Variants in MTX2 observed in about 807,000 individuals in gnomAD.
The protein encoded by MTX2 is metaxin 2.
MTX2 carries 35 observed loss-of-function variants against 42.3 expected under a neutral mutation model. The observed-to-expected ratio is 0.83, with a 90% CI of 0.63 to 1.10. The LOEUF is 1.10. Ranked by LOEUF, MTX2 falls within the 50% of genes least tolerant of loss-of-function variation. The pLI, the probability that MTX2 is intolerant of heterozygous loss-of-function variation, is 0.00. For missense variants in MTX2, 307 were observed against 304.1 expected, an observed-to-expected ratio of 1.01 and a Z score of -0.07; for synonymous variants, 119 against 100.9, an observed-to-expected ratio of 1.18 and a Z score of -1.08.
At chr2:176,297,731 A>C (rs1019104953) in intron 2 of MTX2, 118 bp from the exon 3 acceptor site, 12 of 450,866 alleles carry the variant, frequency 2.7e-5, no homozygotes, top group Non-Finnish European at 4.3e-5. Context: ...ATTAACATTG[A>C]TATAAAACTT....
chr2:176,300,959 A>G (rs1447431301), intron 3 of MTX2, among the ~76,000 whole-genome samples: 1 of 152,148 alleles, frequency 6.6e-6, no homozygotes, highest in African/African-American at 2.4e-5. Flanking sequence ...CAATGTTAGT[A>G]AGAGGAATGG....
chr2:176,310,032 G>A (rs1251311694), intron 3 of MTX2, among the ~76,000 whole-genome samples: 4 of 152,108 alleles, frequency 2.6e-5, no homozygotes, highest in African/African-American at 4.8e-5. Context: ...TGTTTTTGCC[G>A]TGGCTGGTAC....
intron 3 of MTX2, among the ~76,000 whole-genome samples, chr2:176,301,040 T>C (rs1467886580): frequency 1.3e-5 from 2 of 151,596 alleles, no homozygotes; most frequent in East Asian, 3.8e-4. Flanking sequence ...TAAGAATCTT[T>C]TTTGGACATG....
chr2:176,279,704 TA>T (rs1474966326), intron 1 of MTX2, among the ~76,000 whole-genome samples: 1 of 152,184 alleles, frequency 6.6e-6, no homozygotes, highest in Non-Finnish European at 1.5e-5. Context: ...ATTTAAGTGA[TA>T]ATTGACATTT....
In MTX2 at chr2:176,299,942, G is replaced by T. The variant is rs368753951; in HGVS notation, c.135+2047G>T. 8.9e-4 allele frequency among the ~76,000 whole-genome samples: 136 copies of T among 152,146 alleles called. 6 individuals are homozygous for T. In the South Asian group the frequency reaches 0.028, roughly 31 times the overall value. On this transcript the variant is annotated intron_variant, in intron 3 of 9. Transcript: ENST00000249442. The stretch of plus-strand genomic sequence containing the variant: ...TATACCCCCAAAACTAAGTGATTGG[G>T]TCTTTTTGAACTCTAAGAACTTTTA...
chr2:176,323,325 A>G (rs1684628616), intron 3 of MTX2, 67 bp from the exon 4 acceptor site: 2 of 1,305,862 alleles, frequency 1.5e-6, no homozygotes, highest in East Asian at 2.3e-5. Flanking sequence ...AAAGAAATGC[A>G]TACAAATTTC....
At chr2:176,283,506 A>G (rs1693126983) in intron 1 of MTX2, among the ~76,000 whole-genome samples, 3 of 152,086 alleles carry the variant, frequency 2.0e-5, no homozygotes, top group Admixed American at 6.5e-5. Context: ...TCAGCATTTC[A>G]GGTGGTATAA....
chr2:176,302,114 T>A (rs998849559), intron 3 of MTX2, among the ~76,000 whole-genome samples: 1 of 151,304 alleles, frequency 6.6e-6, no homozygotes, highest in Non-Finnish European at 1.5e-5. Flanking sequence ...AAGCCAGTTT[T>A]AAAAAGCTGG....
intron 3 of MTX2, among the ~76,000 whole-genome samples, chr2:176,301,446 T>TGAG (rs563567626): frequency 7.2e-4 from 109 of 152,290 alleles, no homozygotes; most frequent in African/African-American, 2.4e-3. Flanking sequence ...AACAACTGTA[T>TGAG]GAGGTAAGTG....
At chr2:176,279,960 G>C (rs1330713843) in intron 1 of MTX2, among the ~76,000 whole-genome samples, 2 of 152,148 alleles carry the variant, frequency 1.3e-5, no homozygotes, top group African/African-American at 4.8e-5. Flanking sequence ...GATTATCTTT[G>C]TATCATAGGT....
chr2:176,289,903 A>C (rs1219817713), intron 1 of MTX2, among the ~76,000 whole-genome samples: 2 of 152,114 alleles, frequency 1.3e-5, no homozygotes, highest in Non-Finnish European at 2.9e-5. Context: ...AGTTTGGAGT[A>C]ATTGAGAAGC....
intron 3 of MTX2, chr2:176,304,159 A>G (rs1305585061): frequency 6.5e-6 from 1 of 154,456 alleles, no homozygotes; most frequent in Non-Finnish European, 1.5e-5. Context: ...TGAGTGAAAC[A>G]TCTTTCATAT....
intron 1 of MTX2, among the ~76,000 whole-genome samples, chr2:176,287,581 C>T (rs981099825): frequency 2.6e-5 from 4 of 152,146 alleles, no homozygotes; most frequent in African/African-American, 4.8e-5. Flanking sequence ...AAGGGATACT[C>T]AACCTGTATG....
At chr2:176,285,537 C>G (rs1286367142) in intron 1 of MTX2, among the ~76,000 whole-genome samples, 4 of 151,774 alleles carry the variant, frequency 2.6e-5, no homozygotes, top group Admixed American at 2.0e-4. Context: ...CTCATTCCCA[C>G]CACCAGCCTG....
chr2:176,294,909 T>C (rs1191028805), intron 1 of MTX2, among the ~76,000 whole-genome samples: 2 of 152,210 alleles, frequency 1.3e-5, no homozygotes, highest in African/African-American at 2.4e-5. Flanking sequence ...TTGTAATGCA[T>C]GCCTAGTATG....
chr2:176,303,921 G>A (rs1684084956), intron 3 of MTX2, among the ~76,000 whole-genome samples: 1 of 151,716 alleles, frequency 6.6e-6, no homozygotes, highest in Non-Finnish European at 1.5e-5. Context: ...TATCAGCTGT[G>A]TACTTTTTTG....
intron 2 of MTX2, among the ~76,000 whole-genome samples, chr2:176,297,477 C>G (rs73036852): frequency 6.6e-6 from 1 of 152,100 alleles, no homozygotes; most frequent in Non-Finnish European, 1.5e-5. Flanking sequence ...ACACACTGTG[C>G]AATATTAACT....
At chr2:176,319,775 C>T (rs1273407108) in intron 3 of MTX2, among the ~76,000 whole-genome samples, 1 of 151,960 alleles carries the variant, frequency 6.6e-6, no homozygotes, top group Non-Finnish European at 1.5e-5. Flanking sequence ...AGGGTTTCAC[C>T]ATGTTGGCCA....
At chr2:176,292,617 A>C (rs1647695146) in intron 1 of MTX2, among the ~76,000 whole-genome samples, 1 of 152,202 alleles carries the variant, frequency 6.6e-6, no homozygotes, top group Admixed American at 6.5e-5. Flanking sequence ...TTTACATATG[A>C]AGACAGTTAT....
Sources: gnomAD v4.1 joint callset for allele counts (sites outside exome capture counted in the v4.1 genomes callset) on GRCh38, gnomAD v4.1.1 for gene constraint, MANE v1.5 for transcripts, NCBI Gene and HGNC (gene_info 2026-07-23, HGNC 2026-07-21) for gene names.